ADAM17: variants seen among roughly 807,000 people sequenced by gnomAD.
ADAM17 encodes the protein ADAM metallopeptidase domain 17, also known as disintegrin and metalloproteinase domain-containing protein 17.
In ADAM17, 39 loss-of-function variants were observed where a neutral mutation model predicts 96.7. The ratio of observed to expected loss-of-function variants is 0.40; its 90% confidence interval spans 0.31 to 0.53. The LOEUF is 0.53. Ranked by LOEUF, ADAM17 falls within the 20% of genes least tolerant of loss-of-function variation. ADAM17 has a pLI of 0.44. For missense variants in ADAM17, 777 were observed against 1,013.2 expected (o/e 0.77, Z 3.17); for synonymous variants, 344 against 359.2 (o/e 0.96, Z 0.48).
chr2:9,526,761 A>AC (rs1664548786), intron 5 of ADAM17, among the ~76,000 whole-genome samples: 1 of 152,062 alleles, frequency 6.6e-6, no homozygotes, highest in African/African-American at 2.4e-5. Context: ...GTGCCATTGC[A>AC]CTCAAGCCAG....
rs773020723 is a variant in ADAM17, at chr2:9,523,232, T to C, written c.843+17A>G. The C allele has an allele frequency of 1.3e-6, 2 of 1,558,832 alleles. No individual in the cohort carries two copies. The highest frequency in any genetic ancestry group is 1.7e-4 in the Middle Eastern group (1 of 5,936). On this transcript the variant is annotated intron_variant, in intron 7 of 18. Coordinates refer to ENST00000310823, the MANE Select transcript of ADAM17 (RefSeq NM_003183.6). ...TACAAAACTTAAGTAATATAAGCCA[T>C]ATCTATTGATAAATACCTGCTCTAT...
In ADAM17 at chr2:9,504,633, C is replaced by G. The variant is rs144747742; in HGVS notation, c.1544+533G>C. Among the ~76,000 whole-genome samples, 329 of 149,310 alleles carry G rather than the reference C, an allele frequency of 2.2e-3. 1 individual carries two copies. Among genetic ancestry groups the G allele is most frequent in the African/African-American group, 7.8e-3 (318 of 40,514 alleles). On this transcript the variant is annotated intron_variant, in intron 12 of 18. Transcript: ENST00000310823. ...AAAAAATTAGCCGGGCATGGTGGTG[C>G]GTGCCTGTAGTCCCACTACTCAGGA...
chr2:9,534,553 C>CA (rs1001293972), intron 4 of ADAM17, among the ~76,000 whole-genome samples: 47 of 151,516 alleles, frequency 3.1e-4, no homozygotes, highest in African/African-American at 1.1e-3. Flanking sequence ...AACAAACAAA[C>CA]AAACAAAACC....
chr2:9,524,092 T>C (rs997600400), intron 6 of ADAM17, among the ~76,000 whole-genome samples: 8 of 152,040 alleles, frequency 5.3e-5, no homozygotes, highest in Non-Finnish European at 1.0e-4. Context: ...TCTAGCTTAC[T>C]TGATTGTAAG....
At chr2:9,490,974 G>C (rs1196818389) in intron 18 of ADAM17, 127 bp downstream of exon 18, 3 of 801,988 alleles carry the variant, frequency 3.7e-6, no homozygotes, top group Admixed American at 2.5e-5. Context: ...TTCCAACCTA[G>C]ACCCTTCCTG....
intron 15 of ADAM17, among the ~76,000 whole-genome samples, chr2:9,494,242 G>C (rs1435448416): frequency 6.6e-6 from 1 of 152,180 alleles, no homozygotes; most frequent in African/African-American, 2.4e-5. Context: ...TCTGGCTTAA[G>C]TAAGTCAAGC....
chr2:9,507,410 G>T (rs1183419265), intron 11 of ADAM17, among the ~76,000 whole-genome samples: 1 of 152,142 alleles, frequency 6.6e-6, no homozygotes, highest in African/African-American at 2.4e-5. Context: ...GCTAAGGCAG[G>T]AGAATCGCTT....
intron 1 of ADAM17, among the ~76,000 whole-genome samples, chr2:9,549,377 A>C (rs1261303241): frequency 6.6e-6 from 1 of 152,192 alleles, no homozygotes; most frequent in Non-Finnish European, 1.5e-5. Flanking sequence ...TCCATCTCAA[A>C]AACAAACAAA....
intron 13 of ADAM17, among the ~76,000 whole-genome samples, chr2:9,501,468 G>A (rs955482626): frequency 1.3e-5 from 2 of 152,176 alleles, no homozygotes; most frequent in African/African-American, 2.4e-5. Context: ...AGGGACGTAG[G>A]AGGATGTGAT....
At chr2:9,494,142 GC>G (rs1174722680) in intron 15 of ADAM17, among the ~76,000 whole-genome samples, 4 of 152,140 alleles carry the variant, frequency 2.6e-5, no homozygotes, top group African/African-American at 4.8e-5. Flanking sequence ...GAACAACACA[GC>G]CAGACTCCCT....
chr2:9,507,674 A>C (rs955343037), intron 11 of ADAM17, among the ~76,000 whole-genome samples: 4 of 152,166 alleles, frequency 2.6e-5, no homozygotes, highest in Non-Finnish European at 4.4e-5. Context: ...AGCTCCAGAA[A>C]AAAAAAGTTC....
intron 10 of ADAM17, among the ~76,000 whole-genome samples, chr2:9,510,535 G>A (rs1663678662): frequency 6.6e-6 from 1 of 152,014 alleles, no homozygotes; most frequent in Non-Finnish European, 1.5e-5. Flanking sequence ...ATGGAGGCAC[G>A]CGCCTGTAAT....
In ADAM17 at chr2:9,502,190, C is replaced by G. The variant is rs375981644; in HGVS notation, c.1631G>C (p.Gly544Ala). Residue 544 changes from glycine to alanine, a missense_variant, in exon 13 of 19, where the codon GGC becomes GCC. By Grantham distance (60) the Gly-to-Ala change is moderately conservative. Coordinates refer to ENST00000310823, the MANE Select transcript of ADAM17 (RefSeq NM_003183.6). ...ACACGAACCTGTGCAGTAGGACACG[C>G]CTTTGCAAGTAGCATTAATCGCCTC... The part of the protein sequence containing the change: ...CQEAINATCK[G>A]VSYCTGNSSE... The G allele has an allele frequency of 7.4e-6, 12 of 1,613,956 alleles. No homozygotes were observed. Among genetic ancestry groups the G allele is most frequent in the East Asian group, 2.2e-5 (1 of 44,902 alleles).
rs1195076439 is a variant in ADAM17 at position 9,524,423 on chromosome 2, G to C, written c.754-1085C>G. Among the ~76,000 whole-genome samples, 3 of 152,032 alleles carry C rather than the reference G, an allele frequency of 2.0e-5. No individual in the cohort carries two copies. The East Asian group carries it at 5.8e-4, about 29-fold the overall frequency. ...GAAGATTGCTTTGGCCCGGGCAATAGAGGCTGCAGCAAGCTATGATTTCAC... is the reference window on the plus strand; with the variant it reads ...GAAGATTGCTTTGGCCCGGGCAATACAGGCTGCAGCAAGCTATGATTTCAC... On this transcript the variant is annotated intron_variant, in intron 6 of 18. Coordinates refer to ENST00000310823, the MANE Select transcript of ADAM17 (RefSeq NM_003183.6).
Position 9,490,493 on chromosome 2 carries a change from T to G in ADAM17, c.2159A>C (p.Asp720Ala). 1 of 1,613,430 alleles carries G rather than the reference T, an allele frequency of 6.2e-7. No individual in the cohort carries two copies. The highest frequency in any genetic ancestry group is 8.5e-7 in the Non-Finnish European group (1 of 1,179,446). ...TTTGATAATGCGAACCGATGCAGAA[T>G]CCATGCTGCTCAGCATTTCGACGTT... is the stretch of plus-strand genomic sequence containing the variant. ...PSNVEMLSSM[D>A]SASVRIIKPF... The change falls in exon 19 of 19, where the codon GAT becomes GCT. Residue 720 changes from aspartate (D) to alanine (A), a missense_variant. Asp to Ala is a moderately radical substitution (Grantham distance 126, BLOSUM62 -2). This residue lies in a region of ADAM17 where 197 missense variants were observed against 219.4 expected (regional missense o/e 0.90). Coordinates refer to ENST00000310823, the MANE Select transcript of ADAM17 (RefSeq NM_003183.6).
intron 1 of ADAM17, among the ~76,000 whole-genome samples, chr2:9,551,853 C>T (rs2125046883): frequency 6.6e-6 from 1 of 152,298 alleles, no homozygotes; most frequent in East Asian, 1.9e-4. Context: ...CGGCCACCCA[C>T]ATAAATAATC....
chr2:9,489,238 T>G lies in ADAM17; in HGVS notation c.*939A>C, dbSNP rs13008101. On this transcript the variant is annotated 3_prime_UTR_variant, in exon 19 of 19. Coordinates refer to ENST00000310823, the MANE Select transcript of ADAM17 (RefSeq NM_003183.6). ...ACAGGCAATCTTTGTATTTTAAATA[T>G]TCTAGGTTTGTAGATAGTGAATTTT... is the stretch of plus-strand genomic sequence containing the variant. The G allele has an allele frequency of 0.42, 62,378 of 147,508 alleles. 14,435 individuals carry two copies. The highest frequency in any genetic ancestry group is 0.62 in the Middle Eastern group (180 of 290). 9.1% of individuals were successfully genotyped at this position (147,508 alleles called of 1,614,324 possible).
chr2:9,519,135 C>A (rs1664200625), intron 8 of ADAM17, among the ~76,000 whole-genome samples: 1 of 152,094 alleles, frequency 6.6e-6, no homozygotes, highest in East Asian at 1.9e-4. Context: ...CTCAAACAAT[C>A]CACTGCCTCA....
intron 10 of ADAM17, among the ~76,000 whole-genome samples, chr2:9,510,347 T>C (rs1663667220): frequency 6.6e-6 from 1 of 152,100 alleles, no homozygotes; most frequent in Non-Finnish European, 1.5e-5. Flanking sequence ...AGGGAGACCC[T>C]ATCTCTACAA....
Sources: gnomAD v4.1 joint callset for allele counts (sites outside exome capture counted in the v4.1 genomes callset) on GRCh38, gnomAD v4.1.1 for gene constraint, gnomAD v4.1.1 regional missense constraint, MANE v1.5 for transcripts, NCBI Gene and HGNC (gene_info 2026-07-23, HGNC 2026-07-21) for gene names.